Variants in SAMD3 observed in about 807,000 individuals in gnomAD.
The protein encoded by SAMD3 is sterile alpha motif domain containing 3.
SAMD3 carries 63 observed loss-of-function variants against 58.5 expected under a neutral mutation model. That is an observed-to-expected ratio of 1.08 (90% confidence interval 0.88 to 1.33). SAMD3 has a LOEUF of 1.33. Among genes scored for constraint, SAMD3 ranks in the 40% most tolerant of loss-of-function variants. The pLI is 0.00. For synonymous variants in SAMD3, 220 were observed against 210.3 expected (o/e 1.05, Z -0.40); for missense variants, 604 against 608.4 (o/e 0.99, Z 0.08).
chr6:130,180,970 G>C (rs1224937005), intron 7 of SAMD3, among the ~76,000 whole-genome samples: 1 of 5,708 alleles, frequency 1.8e-4, no homozygotes, highest in Non-Finnish European at 7.8e-4. Context: ...CTTTTGAGAC[G>C]GAGTTCCGCT....
chr6:130,165,405 A>C (rs1394253212), intron 8 of SAMD3, among the ~76,000 whole-genome samples: 6 of 152,114 alleles, frequency 3.9e-5, no homozygotes, highest in Non-Finnish European at 1.5e-5. Context: ...CAACAAAAAC[A>C]AACAAACAAA....
At chr6:130,343,335 C>T (rs1777329206) in intron 1 of SAMD3, among the ~76,000 whole-genome samples, 1 of 151,978 alleles carries the variant, frequency 6.6e-6, no homozygotes, top group Admixed American at 6.6e-5. Context: ...TCACATAGGG[C>T]TTTGACACAC....
chr6:130,197,114 A>C (rs1053825181), intron 5 of SAMD3, among the ~76,000 whole-genome samples: 1 of 152,218 alleles, frequency 6.6e-6, no homozygotes, highest in Non-Finnish European at 1.5e-5. Context: ...TACTTTTACT[A>C]CTTTCCCTTC....
At chr6:130,322,324 G>A (rs1444513720) in intron 1 of SAMD3, among the ~76,000 whole-genome samples, 1 of 152,172 alleles carries the variant, frequency 6.6e-6, no homozygotes, top group East Asian at 1.9e-4. Context: ...TACAGGTCGA[G>A]GCATCAAGGC....
At chr6:130,169,016 G>A (rs1157427000) in intron 8 of SAMD3, among the ~76,000 whole-genome samples, 1 of 152,068 alleles carries the variant, frequency 6.6e-6, no homozygotes, top group Non-Finnish European at 1.5e-5. Context: ...ATGTTGCCCA[G>A]GCTGGTTTCA....
At chr6:130,212,647 A>T (rs1319335411) in intron 4 of SAMD3, among the ~76,000 whole-genome samples, 1 of 152,262 alleles carries the variant, frequency 6.6e-6, no homozygotes, top group Non-Finnish European at 1.5e-5. Context: ...AGTCAGTAGT[A>T]GAACCAGGAA....
At chr6:130,336,912 T>C (rs1172473833) in intron 1 of SAMD3, among the ~76,000 whole-genome samples, 1 of 152,246 alleles carries the variant, frequency 6.6e-6, no homozygotes, top group South Asian at 2.1e-4. Context: ...GCCTCAGCTA[T>C]AAAGCCCTGA....
intron 5 of SAMD3, among the ~76,000 whole-genome samples, chr6:130,206,702 A>G (rs1016593158): frequency 6.6e-6 from 1 of 152,202 alleles, no homozygotes; most frequent in Non-Finnish European, 1.5e-5. Flanking sequence ...GAGAGACTTT[A>G]TGACCAGAGA....
chr6:130,345,037 T>C (rs1777402655), intron 1 of SAMD3, among the ~76,000 whole-genome samples: 1 of 152,124 alleles, frequency 6.6e-6, no homozygotes, highest in South Asian at 2.1e-4. Context: ...AGGCTGTGAT[T>C]AAATTTCCAT....
At chr6:130,225,381 G>A (rs1796359478), upstream of SAMD3, among the ~76,000 whole-genome samples, 1 of 152,190 alleles carries the variant, frequency 6.6e-6, no homozygotes, top group African/African-American at 2.4e-5. Flanking sequence ...GAATGTGGAA[G>A]GAGTAAGGGA....
Position 130,184,523 on chromosome 6 carries a change from C to A in SAMD3, c.484G>T (p.Glu162Ter). The A allele has an allele frequency of 6.2e-7, 1 of 1,614,182 alleles. No individual in the cohort carries two copies. Among genetic ancestry groups the A allele is most frequent in the South Asian group, 1.1e-5 (1 of 91,082 alleles). The change falls in exon 6 of 12, where the codon GAG (glutamate) becomes TAG (stop). Residue 162 changes from glutamate (E) to a stop codon, truncating the protein, a stop_gained. Transcript: ENST00000439090. LOFTEE classifies it high-confidence loss of function. Reference protein sequence around the residue: ...FPYDVKCMLAEQKCPDHSMRI... With the variant: ...FPYDVKCMLA ...ATGCTGTGATCCGGGCACTTCTGCT[C>A]TGCTAACATGCATTTGACATCATAG...
rs1795628558 is a variant in SAMD3 at position 130,212,117 on chromosome 6, T to G, written c.269+2220A>C. Among the ~76,000 whole-genome samples, 4 of 151,888 alleles carry G rather than the reference T, an allele frequency of 2.6e-5. No individual in the cohort carries two copies. The South Asian group carries it at 8.3e-4, about 32-fold the overall frequency. ...CTTCTGTACACCAAGTTTCCTATCT[T>G]TTTTAAACACTCTCTAAGGGGGTTT... On this transcript the variant is annotated intron_variant, in intron 4 of 11. Transcript: ENST00000439090.
chr6:130,244,599 G>A (rs575521659), intron 2 of SAMD3, among the ~76,000 whole-genome samples: 6 of 152,004 alleles, frequency 3.9e-5, no homozygotes, highest in African/African-American at 1.4e-4. Context: ...AATTAGCCGG[G>A]TGTGGTGCTG....
At chr6:130,320,391 T>C (rs1421352948) in intron 1 of SAMD3, among the ~76,000 whole-genome samples, 1 of 152,074 alleles carries the variant, frequency 6.6e-6, no homozygotes, top group Non-Finnish European at 1.5e-5. Flanking sequence ...AAATTAAAAA[T>C]CAAATGTTGG....
chr6:130,230,195 T>C lies in SAMD3; in HGVS notation c.-187-7382A>G, dbSNP rs574295863. ...TTCGAGCCTATCAGGAGAACGGTAT[T>C]ATGTTGGAACTCTTTGCACCTCGAG... On this transcript the variant is annotated intron_variant, in intron 2 of 13. Transcript: ENST00000368134. Among the ~76,000 whole-genome samples the C allele has an allele frequency of 5.9e-5, 9 of 152,246 alleles. No homozygotes were observed. The South Asian group carries it at 1.2e-3, about 21-fold the overall frequency.
At chr6:130,212,486 T>A (rs1222247745) in intron 4 of SAMD3, among the ~76,000 whole-genome samples, 1 of 152,234 alleles carries the variant, frequency 6.6e-6, no homozygotes, top group East Asian at 1.9e-4. Flanking sequence ...AACACAGGAC[T>A]ATTTCAGTCT....
chr6:130,274,116 C>A (rs560723726), intron 2 of SAMD3, among the ~76,000 whole-genome samples: 1 of 152,104 alleles, frequency 6.6e-6, no homozygotes, highest in Non-Finnish European at 1.5e-5. Flanking sequence ...CTAGGACAAT[C>A]TTTACCTCTC....
rs1175149120 is a variant in SAMD3 at position 130,215,847 on chromosome 6, T to C, written c.-21-553A>G. On this transcript the variant is annotated intron_variant, in intron 2 of 11. Transcript: ENST00000439090. ...GGAGATTGTAACTTGCTGCTTCTCA[T>C]TGTTTTCCGTTAGCAAGAAGAGGAA... 12 of 1,534,664 alleles carry C rather than the reference T, an allele frequency of 7.8e-6. No homozygotes were observed. The Admixed American group carries it at 2.2e-4, about 28-fold the overall frequency.
chr6:130,355,579 T>C (rs1777803880), intron 1 of SAMD3, among the ~76,000 whole-genome samples: 1 of 152,206 alleles, frequency 6.6e-6, no homozygotes. Flanking sequence ...TCTTCTCTAA[T>C]GGAGGAAGGT....
Sources: gnomAD v4.1 joint callset for allele counts (sites outside exome capture counted in the v4.1 genomes callset) on GRCh38, gnomAD v4.1.1 for gene constraint, MANE v1.5 for transcripts, NCBI Gene and HGNC (gene_info 2026-07-23, HGNC 2026-07-21) for gene names.